HMGCLL1: variants seen among roughly 807,000 people sequenced by gnomAD.
The protein encoded by HMGCLL1 is 3-hydroxy-3-methylglutaryl-CoA lyase like 1, also known as 3-hydroxymethyl-3-methylglutaryl-CoA lyase, cytoplasmic.
HMGCLL1 carries 36 observed loss-of-function variants against 39.1 expected under a neutral mutation model. The observed-to-expected ratio is 0.92, with a 90% CI of 0.71 to 1.22. HMGCLL1 has a LOEUF of 1.22. Ranked by LOEUF, HMGCLL1 falls within the 50% of genes most tolerant of loss-of-function variation. The pLI is 0.00. For synonymous variants in HMGCLL1, 149 were observed against 144.0 expected (o/e 1.03, Z -0.25); for missense variants, 451 against 416.5 (o/e 1.08, Z -0.72).
upstream of HMGCLL1, among the ~76,000 whole-genome samples, chr6:55,583,391 T>A (rs1772017914): frequency 6.6e-6 from 1 of 150,626 alleles, no homozygotes; most frequent in South Asian, 2.1e-4. Context: ...TTCCCCTTCC[T>A]ATGTCCGTGT....
chr6:55,446,238 A>G (rs1000912589), intron 7 of HMGCLL1, among the ~76,000 whole-genome samples: 21 of 148,834 alleles, frequency 1.4e-4, no homozygotes, highest in African/African-American at 4.9e-4. Context: ...ACATATTTAT[A>G]TATTCATATA....
intron 3 of HMGCLL1, among the ~76,000 whole-genome samples, chr6:55,521,240 G>C (rs1308414680): frequency 6.6e-6 from 1 of 152,094 alleles, no homozygotes; most frequent in Non-Finnish European, 1.5e-5. Context: ...AATTCCCTGA[G>C]ATTAGTGGAA....
At chr6:55,669,127 A>G in the HMGCLL1 span, among the ~76,000 whole-genome samples, 2 of 151,930 alleles carry the variant, frequency 1.3e-5, no homozygotes, top group East Asian at 3.9e-4. Context: ...AAAAAAAAAA[A>G]AAAGAAATGT....
At chr6:55,638,733 G>A in the HMGCLL1 span, among the ~76,000 whole-genome samples, 1 of 152,108 alleles carries the variant, frequency 6.6e-6, no homozygotes, top group Non-Finnish European at 1.5e-5. Flanking sequence ...GATATGCCAA[G>A]TGAAGAAATC....
intron 3 of HMGCLL1, 106 bp downstream of exon 3, chr6:55,541,623 A>G: frequency 1.6e-6 from 1 of 639,402 alleles, no homozygotes; most frequent in Non-Finnish European, 2.8e-6. Flanking sequence ...ATTTTGAAAG[A>G]ATATGGAAAA....
At position 55,439,452 on chromosome 6, in the gene HMGCLL1, A is replaced by C; in HGVS notation, c.903T>G (p.Asn301Lys). 1 of 1,612,700 alleles carries C rather than the reference A, an allele frequency of 6.2e-7. No individual in the cohort carries two copies. The highest frequency in any genetic ancestry group is 8.5e-7 in the Non-Finnish European group (1 of 1,179,050). The part of the protein sequence containing the change: ...VATEDLIYML[N>K]GLGLNTGVNL... ...AACTTACTGTATTGAGCCCCAGGCC[A>C]TTAAGCATATATATCAAATCCTCAG... The change falls in exon 8 of 9, where the codon AAT (asparagine) becomes AAG (lysine). Residue 301 changes from asparagine (N) to lysine (K), a missense_variant. Transcript: ENST00000274901.
intron 7 of HMGCLL1, among the ~76,000 whole-genome samples, chr6:55,453,460 G>A (rs1764190567): frequency 6.6e-6 from 1 of 152,182 alleles, no homozygotes; most frequent in East Asian, 1.9e-4. Flanking sequence ...ACCGCGCCTG[G>A]CCAGAAGATT....
chr6:55,607,655 G>A, the HMGCLL1 span, among the ~76,000 whole-genome samples: 2 of 152,252 alleles, frequency 1.3e-5, no homozygotes, highest in African/African-American at 2.4e-5. Context: ...CTAAAGCTCC[G>A]ACTGGGGTCA....
intron 7 of HMGCLL1, among the ~76,000 whole-genome samples, chr6:55,442,408 C>A (rs1763641544): frequency 6.6e-6 from 1 of 152,054 alleles, no homozygotes; most frequent in African/African-American, 2.4e-5. Flanking sequence ...CAATTTATGT[C>A]TTTTGTTGCT....
chr6:55,586,857 T>C, the HMGCLL1 span, among the ~76,000 whole-genome samples: 6 of 152,028 alleles, frequency 3.9e-5, no homozygotes, highest in Admixed American at 1.3e-4. Flanking sequence ...AATAAACATA[T>C]GTGTGCATGT....
the HMGCLL1 span, among the ~76,000 whole-genome samples, chr6:55,618,898 T>G: frequency 6.6e-6 from 1 of 152,100 alleles, no homozygotes; most frequent in Non-Finnish European, 1.5e-5. Flanking sequence ...TTATCAAGTG[T>G]GAGAGGAGAC....
chr6:55,665,395 C>T, the HMGCLL1 span, among the ~76,000 whole-genome samples: 1 of 151,644 alleles, frequency 6.6e-6, no homozygotes, highest in South Asian at 2.1e-4. Context: ...TATAAGTTTT[C>T]ATTCATCAGG....
chr6:55,439,547 C>T lies in HMGCLL1; in HGVS notation c.808G>A (p.Val270Met). 4.3e-6 allele frequency: 7 copies of T among 1,612,254 alleles called. No individual in the cohort carries two copies. The highest frequency in any genetic ancestry group is 5.9e-6 in the Non-Finnish European group (7 of 1,178,826). ...ILTALQMGIN[V>M]VDSAVSGLGG... is the part of the protein sequence containing the mutation. ...AATCCGGATACTGCGGAGTCCACCA[C>T]ATTAATTCCCATCTGGAAAACAAAC... The change falls in exon 8 of 9, where the codon GTG becomes ATG. Residue 270 changes from valine to methionine, a missense_variant. Val to Met is a conservative substitution (Grantham distance 21). Coordinates refer to ENST00000274901, the MANE Select transcript of HMGCLL1 (RefSeq NM_001042406.2).
At chr6:55,652,275 C>CT in the HMGCLL1 span, among the ~76,000 whole-genome samples, 12 of 150,908 alleles carry the variant, frequency 8.0e-5, 1 homozygote, top group Admixed American at 2.0e-4. Flanking sequence ...CTTATAAAAT[C>CT]TTTTTTTTTA....
chr6:55,515,702 A>G (rs1422697480), intron 4 of HMGCLL1, among the ~76,000 whole-genome samples: 1 of 152,126 alleles, frequency 6.6e-6, no homozygotes, highest in Non-Finnish European at 1.5e-5. Flanking sequence ...GGATTACTAG[A>G]TGACACCAAT....
At chr6:55,517,177 A>G (rs1053572733) in intron 3 of HMGCLL1, among the ~76,000 whole-genome samples, 1 of 152,116 alleles carries the variant, frequency 6.6e-6, no homozygotes, top group Admixed American at 6.6e-5. Flanking sequence ...TCATATGTGA[A>G]CAAATTAATA....
chr6:55,441,043 A>C (rs922967123), intron 7 of HMGCLL1, among the ~76,000 whole-genome samples: 1 of 152,042 alleles, frequency 6.6e-6, no homozygotes, highest in Non-Finnish European at 1.5e-5. Context: ...GAATTTATTT[A>C]GGAACATTGC....
At chr6:55,656,021 A>T in the HMGCLL1 span, among the ~76,000 whole-genome samples, 1 of 151,984 alleles carries the variant, frequency 6.6e-6, no homozygotes, top group Non-Finnish European at 1.5e-5. Flanking sequence ...TTTCCTATGC[A>T]CATACTGATA....
At chr6:55,665,485 G>C in the HMGCLL1 span, among the ~76,000 whole-genome samples, 1 of 151,590 alleles carries the variant, frequency 6.6e-6, no homozygotes, top group East Asian at 1.9e-4. Flanking sequence ...AGTTGATTGA[G>C]GAATATAAGA....
Sources: allele counts gnomAD v4.1 joint callset (sites outside exome capture counted in the v4.1 genomes callset), GRCh38; gene constraint gnomAD v4.1.1; transcripts MANE v1.5; gene names NCBI Gene and HGNC (gene_info 2026-07-23, HGNC 2026-07-21).